PPP1R12A: variants seen among roughly 807,000 people sequenced by gnomAD.
The protein encoded by PPP1R12A is protein phosphatase 1 regulatory subunit 12A.
A neutral mutation model predicts 139.6 loss-of-function variants in PPP1R12A; 19 were observed. The observed-to-expected ratio is 0.14, with a 90% confidence interval of 0.09 to 0.20. The LOEUF (loss-of-function observed/expected upper bound fraction) is 0.20. Ranked by LOEUF, PPP1R12A falls within the 10% of genes least tolerant of loss-of-function variation. The pLI is 1.00. For synonymous variants in PPP1R12A, 427 were observed against 420.6 expected (o/e 1.02, Z -0.19); for missense variants, 925 against 1,211.5 (o/e 0.76, Z 3.51).
Position 79,774,681 on chromosome 12 carries a change from ATGG to A in PPP1R12A, c.*1245_*1247del, listed in dbSNP as rs10582832. On this transcript the variant is annotated 3_prime_UTR_variant, in exon 25 of 25. Coordinates refer to ENST00000450142, the MANE Select transcript of PPP1R12A (RefSeq NM_002480.3). ...AAATGTATAAAATGGTCTGAACATG[ATGG>A]TGGTATCAAAGTCGATGCCTCTTCA... 16,796 of 151,388 alleles carry A rather than the reference ATGG, an allele frequency of 0.11. 1,759 individuals carry two copies. The highest frequency in any genetic ancestry group is 0.27 in the African/African-American group (11,310 of 41,144). The allele number at this position is 151,388 out of a possible 1,614,324, so 9.4% of individuals were successfully genotyped here.
chr12:79,902,471 T>C (rs1434413463), intron 1 of PPP1R12A, among the ~76,000 whole-genome samples: 1 of 152,172 alleles, frequency 6.6e-6, no homozygotes, highest in Non-Finnish European at 1.5e-5. Flanking sequence ...GATATTTTTA[T>C]TTTAAAATTA....
chr12:79,935,147 T>C, upstream of PPP1R12A: 1 of 1,339,844 alleles, frequency 7.5e-7, no homozygotes. Context: ...ACAGAAGCCC[T>C]CCCGCCCCCA....
At chr12:79,852,612 G>C (rs1230771283) in intron 2 of PPP1R12A, among the ~76,000 whole-genome samples, 1 of 152,112 alleles carries the variant, frequency 6.6e-6, no homozygotes, top group Non-Finnish European at 1.5e-5. Flanking sequence ...AAGATAGTGA[G>C]GTGCCATTTC....
intron 24 of PPP1R12A, chr12:79,777,609 T>C (rs1162932420): frequency 1.3e-5 from 13 of 985,216 alleles, no homozygotes; most frequent in African/African-American, 3.5e-5. Context: ...CAGTCGCTCA[T>C]TTAACTCCCT....
intron 1 of PPP1R12A, among the ~76,000 whole-genome samples, chr12:79,892,160 G>A (rs574634918): frequency 5.9e-5 from 9 of 152,096 alleles, no homozygotes; most frequent in Admixed American, 3.3e-4. Flanking sequence ...GTTCCCTTCC[G>A]CAACTTATAA....
chr12:79,880,405 A>G (rs1883525268), intron 1 of PPP1R12A, among the ~76,000 whole-genome samples: 1 of 152,204 alleles, frequency 6.6e-6, no homozygotes, highest in Non-Finnish European at 1.5e-5. Context: ...CAGTCAGTCA[A>G]CCAGTGGTAG....
chr12:79,798,319 C>T (rs372294539), intron 15 of PPP1R12A, among the ~76,000 whole-genome samples, 175 bp downstream of exon 15: 6 of 152,202 alleles, frequency 3.9e-5, no homozygotes, highest in African/African-American at 1.4e-4. Context: ...ACTAGAATTA[C>T]TAGAATAACT....
chr12:79,886,924 A>G (rs1447345495), intron 1 of PPP1R12A, among the ~76,000 whole-genome samples: 1 of 152,172 alleles, frequency 6.6e-6, no homozygotes, highest in Non-Finnish European at 1.5e-5. Context: ...CTAGATTTTT[A>G]GAAGCCAACA....
chr12:79,934,548 G>A, intron 1 of PPP1R12A, 147 bp downstream of exon 1: 2 of 720,664 alleles, frequency 2.8e-6, no homozygotes, highest in South Asian at 2.0e-5. Flanking sequence ...TCTCCCTCCC[G>A]CCCTCTGGGG....
At chr12:79,909,481 A>C (rs1162861348) in intron 1 of PPP1R12A, among the ~76,000 whole-genome samples, 1 of 152,056 alleles carries the variant, frequency 6.6e-6, no homozygotes, top group East Asian at 1.9e-4. Context: ...TCACGTCTGT[A>C]ATCCCAGCAC....
chr12:79,791,565 C>T (rs1446881966), intron 19 of PPP1R12A, among the ~76,000 whole-genome samples: 3 of 152,114 alleles, frequency 2.0e-5, no homozygotes, highest in African/African-American at 7.2e-5. Context: ...TGGGCTCAAG[C>T]AGTCCTCCCA....
Position 79,806,152 on chromosome 12 carries a change from T to G in PPP1R12A, c.1823+14A>C. On this transcript the variant is annotated intron_variant, in intron 13 of 24. Transcript: ENST00000450142. ...ACACAGTAGACCTGAGCACAAAATG[T>G]ATCTGTGACTTACCTGCTTTGTGTG... The G allele has an allele frequency of 6.2e-7, 1 of 1,612,888 alleles. No individual in the cohort carries two copies. Among genetic ancestry groups the G allele is most frequent in the Non-Finnish European group, 8.5e-7 (1 of 1,179,068 alleles).
At position 79,821,875 on chromosome 12, in the gene PPP1R12A, C is replaced by T. The variant is rs541439313; in HGVS notation, c.867+241G>A. ...AAACACTCTAATGAAATTATAAAAA[C>T]GTTATTCTTGAGGACATATATGAGT... On this transcript the variant is annotated intron_variant, in intron 6 of 24. Transcript: ENST00000450142. Among the ~76,000 whole-genome samples, 10 of 151,712 alleles carry T rather than the reference C, an allele frequency of 6.6e-5. No homozygotes were observed. In the South Asian group the frequency reaches 1.0e-3, roughly 16 times the overall value.
intron 5 of PPP1R12A, chr12:79,825,603 T>C (rs1274420513): frequency 6.6e-6 from 1 of 151,858 alleles, no homozygotes; most frequent in African/African-American, 2.4e-5. Context: ...ATATATTTGT[T>C]ACACTTACTA....
Position 79,816,951 on chromosome 12 carries a change from C to A in PPP1R12A, c.1239+443G>T, listed in dbSNP as rs373854898. Among the ~76,000 whole-genome samples the A allele has an allele frequency of 3.7e-4, 57 of 152,106 alleles. No homozygotes were observed. In the South Asian group the frequency reaches 0.012, roughly 32 times the overall value. On this transcript the variant is annotated intron_variant, in intron 9 of 24. Transcript: ENST00000450142. The stretch of plus-strand genomic sequence containing the variant: ...AGTTTAAAAAATTTAGATTTTAGTT[C>A]TCTCATTGACTTGTGGTAGTAGTAT...
intron 1 of PPP1R12A, among the ~76,000 whole-genome samples, chr12:79,882,347 T>C (rs1448293535): frequency 6.6e-6 from 1 of 152,154 alleles, no homozygotes; most frequent in East Asian, 1.9e-4. Context: ...AGTTTGAAAG[T>C]TGATTCCAAC....
At chr12:79,845,744 G>A (rs1011509831) in intron 2 of PPP1R12A, among the ~76,000 whole-genome samples, 1 of 152,098 alleles carries the variant, frequency 6.6e-6, no homozygotes, top group Non-Finnish European at 1.5e-5. Context: ...GCTGAGGCAG[G>A]AGAATGGCAA....
rs1883417563 is a variant in PPP1R12A at position 79,879,381 on chromosome 12, C to A, written c.238-6443G>T. 1.3e-5 allele frequency among the ~76,000 whole-genome samples: 2 copies of A among 151,704 alleles called. 1 individual carries two copies. The highest frequency in any genetic ancestry group is 4.8e-5 in the African/African-American group (2 of 41,316). ...AGACTGTCTCAAAAAAAAAAGAAAA[C>A]AACCAAATTGCTGGTGAAAGTATGA... On this transcript the variant is annotated intron_variant, in intron 1 of 24. Coordinates refer to ENST00000450142, the MANE Select transcript of PPP1R12A (RefSeq NM_002480.3).
At chr12:79,898,224 C>T (rs992597993) in intron 1 of PPP1R12A, among the ~76,000 whole-genome samples, 16 of 152,220 alleles carry the variant, frequency 1.1e-4, no homozygotes, top group African/African-American at 2.2e-4. Flanking sequence ...CCGAGGTGGG[C>T]GGACTGCCTG....
Sources: allele counts gnomAD v4.1 joint callset (sites outside exome capture counted in the v4.1 genomes callset), GRCh38; gene constraint gnomAD v4.1.1; transcripts MANE v1.5; gene names NCBI Gene and HGNC (gene_info 2026-07-23, HGNC 2026-07-21).